Variants in MMP26 observed in about 807,000 individuals in gnomAD.
MMP26 encodes the protein matrix metallopeptidase 26, also known as matrix metalloproteinase-26.
A neutral mutation model predicts 31.0 loss-of-function variants in MMP26; 33 were observed. That is an observed-to-expected ratio of 1.06 (90% CI 0.81 to 1.42). MMP26 has a LOEUF of 1.42. Among genes scored for constraint, MMP26 ranks in the 40% most tolerant of loss-of-function variants. The pLI, the probability that MMP26 is intolerant of heterozygous loss-of-function variation, is 0.00. For synonymous variants in MMP26, 122 were observed against 114.9 expected (o/e 1.06, Z -0.40); for missense variants, 347 against 316.1 (o/e 1.10, Z -0.74).
At chr11:4,848,617 G>A (rs747194046) in intron 2 of MMP26, 1 of 1,609,318 alleles carries the variant, frequency 6.2e-7, no homozygotes, top group Admixed American at 1.7e-5. Context: ...CAAGCTTCTG[G>A]GCAGGCCAAA....
chr11:4,866,843 C>T (rs1348690569), intron 2 of MMP26, among the ~76,000 whole-genome samples: 1 of 152,104 alleles, frequency 6.6e-6, no homozygotes, highest in African/African-American at 2.4e-5. Context: ...AAATGATTCC[C>T]TATTTAATAA....
chr11:4,705,744 C>T (rs889488685), intron 1 of MMP26, among the ~76,000 whole-genome samples: 1 of 152,180 alleles, frequency 6.6e-6, no homozygotes, highest in Non-Finnish European at 1.5e-5. Flanking sequence ...AATCCCAGCA[C>T]TTTGGGAGGC....
intron 7 of MMP26, 29 bp downstream of exon 7, chr11:4,992,154 G>C: frequency 1.2e-6 from 2 of 1,610,150 alleles, no homozygotes; most frequent in Non-Finnish European, 1.7e-6. Flanking sequence ...AGAGAAGGGA[G>C]ATCTGGGCAG....
intron 2 of MMP26, among the ~76,000 whole-genome samples, chr11:4,974,035 A>G (rs1171305335): frequency 2.0e-5 from 3 of 152,028 alleles, no homozygotes; most frequent in Non-Finnish European, 4.4e-5. Flanking sequence ...CACAAACCTA[A>G]AAGGAGAAAT....
intron 1 of MMP26, among the ~76,000 whole-genome samples, chr11:4,740,677 C>CT (rs1410575601): frequency 7.3e-6 from 1 of 137,752 alleles, no homozygotes; most frequent in East Asian, 2.0e-4. Flanking sequence ...GAGTGAGACT[C>CT]TGTCAAAAAA....
intron 2 of MMP26, chr11:4,882,768 A>G (rs1850494578): frequency 6.2e-7 from 1 of 1,613,722 alleles, no homozygotes; most frequent in Admixed American, 1.7e-5. Flanking sequence ...CCTGTGCTGA[A>G]CCCTATCATT....
At chr11:4,901,149 CTTTTTTT>C (rs55678976) in intron 2 of MMP26, among the ~76,000 whole-genome samples, 7 of 84,514 alleles carry the variant, frequency 8.3e-5, no homozygotes, top group Non-Finnish European at 4.3e-5. Context: ...CCTCTTTGTG[CTTTTTTT>C]TTTTTTTTTT....
At chr11:4,720,031 G>A (rs932612934) in intron 1 of MMP26, among the ~76,000 whole-genome samples, 4 of 152,112 alleles carry the variant, frequency 2.6e-5, no homozygotes, top group African/African-American at 9.7e-5. Context: ...CCGTGTCCAT[G>A]GTTACTCAAT....
At chr11:4,962,209 G>T (rs1846531044) in intron 2 of MMP26, among the ~76,000 whole-genome samples, 1 of 151,998 alleles carries the variant, frequency 6.6e-6, no homozygotes, top group African/African-American at 2.4e-5. Flanking sequence ...TAAAGTCTCA[G>T]AATCACATAT....
At chr11:4,836,738 C>A (rs1420299734) in intron 2 of MMP26, among the ~76,000 whole-genome samples, 5 of 143,494 alleles carry the variant, frequency 3.5e-5, no homozygotes, top group Non-Finnish European at 6.0e-5. Flanking sequence ...CTGCCCACTG[C>A]AACTTCTGCC....
intron 2 of MMP26, chr11:4,919,422 G>T (rs1275288398): frequency 6.6e-6 from 1 of 152,208 alleles, no homozygotes; most frequent in Non-Finnish European, 1.5e-5. Context: ...TATCCACTGA[G>T]ACCCTTTCAA....
intron 4 of MMP26, 99 bp from the exon 5 acceptor site, chr11:4,990,499 A>T: frequency 8.2e-7 from 1 of 1,212,166 alleles, no homozygotes; most frequent in Non-Finnish European, 1.1e-6. Flanking sequence ...GAGTCCTAAA[A>T]CTATTAAATG....
intron 2 of MMP26, among the ~76,000 whole-genome samples, chr11:4,920,767 C>G (rs1851171905): frequency 6.6e-6 from 1 of 152,094 alleles, no homozygotes; most frequent in South Asian, 2.1e-4. Context: ...CAAATTTTAC[C>G]TATATTTATG....
chr11:4,881,266 T>G (rs1213047476), intron 2 of MMP26, among the ~76,000 whole-genome samples: 2 of 152,138 alleles, frequency 1.3e-5, no homozygotes, highest in East Asian at 3.9e-4. Flanking sequence ...CTTACCGCCT[T>G]GCATTATCCA....
chr11:4,943,556 A>T (rs1205630588), intron 2 of MMP26: 7 of 444,834 alleles, frequency 1.6e-5, no homozygotes, highest in Admixed American at 7.3e-5. Context: ...TATCCTGTAC[A>T]TTAAAGAATG....
intron 2 of MMP26, chr11:4,923,575 G>T (rs1851218060): frequency 1.2e-6 from 2 of 1,614,142 alleles, no homozygotes; most frequent in Admixed American, 1.7e-5. Context: ...CAATCATGGG[G>T]ATGTAGAAGA....
chr11:4,904,371 A>G (rs954364410), intron 2 of MMP26, among the ~76,000 whole-genome samples: 3 of 152,086 alleles, frequency 2.0e-5, no homozygotes, highest in Non-Finnish European at 4.4e-5. Context: ...TCTAAGTGGT[A>G]TGGGAAATAT....
chr11:4,992,135 G>C lies in MMP26; in HGVS notation c.757+10G>C, dbSNP rs1442814054. 7 of 1,612,700 alleles carry C rather than the reference G, an allele frequency of 4.3e-6. 1 individual carries two copies. In the Middle Eastern group the frequency reaches 5.0e-4, roughly 115 times the overall value. The stretch of plus-strand genomic sequence containing the variant: ...ATCCAGCATTTGTATGGTCTGTGCT[G>C]CTTAAGGAAGAGAAGGGAGATCTGG... On this transcript the variant is annotated intron_variant, in intron 7 of 7. Transcript: ENST00000380390.
At chr11:4,872,741 A>T (rs1850327984) in intron 2 of MMP26, among the ~76,000 whole-genome samples, 2 of 151,852 alleles carry the variant, frequency 1.3e-5, no homozygotes, top group Admixed American at 6.6e-5. Flanking sequence ...TACTACATAG[A>T]AGGGAAGGAC....
Sources: allele counts gnomAD v4.1 joint callset (sites outside exome capture counted in the v4.1 genomes callset), GRCh38; gene constraint gnomAD v4.1.1; transcripts MANE v1.5; gene names NCBI Gene and HGNC (gene_info 2026-07-23, HGNC 2026-07-21).